Variants in MYO5B observed in about 807,000 individuals in gnomAD.
MYO5B encodes myosin VB, also known as unconventional myosin-Vb.
MYO5B carries 143 observed loss-of-function variants against 229.3 expected under a neutral mutation model. The ratio of observed to expected loss-of-function variants is 0.62; its 90% CI spans 0.54 to 0.72. The LOEUF (loss-of-function observed/expected upper bound fraction) is 0.72. MYO5B is among the 30% of genes least tolerant of loss of function. The probability of loss-of-function intolerance (pLI) is 0.00; values close to 1 mark genes in which losing one functional copy is unlikely to be tolerated. For missense variants in MYO5B, 2,321 were observed against 2,331.0 expected (o/e 1.00, Z 0.09); for synonymous variants, 918 against 885.2 (o/e 1.04, Z -0.66).
chr18:50,033,708 G>C (rs1337385532), intron 4 of MYO5B, among the ~76,000 whole-genome samples: 1 of 152,102 alleles, frequency 6.6e-6, no homozygotes, highest in Non-Finnish European at 1.5e-5. Context: ...TTCCTCACAG[G>C]ATTCTCATGC....
chr18:50,118,021 C>G (rs1317279033), intron 1 of MYO5B, among the ~76,000 whole-genome samples: 2 of 152,164 alleles, frequency 1.3e-5, no homozygotes, highest in Non-Finnish European at 2.9e-5. Flanking sequence ...AAGTGGATGA[C>G]AGCCATACAT....
intron 1 of MYO5B, among the ~76,000 whole-genome samples, chr18:50,072,322 C>T (rs1288593871): frequency 3.9e-5 from 6 of 152,114 alleles, no homozygotes; most frequent in Non-Finnish European, 4.4e-5. Flanking sequence ...CTCTTCCAAG[C>T]TTCAGGGATC....
chr18:50,076,532 G>A (rs556638258), intron 1 of MYO5B, among the ~76,000 whole-genome samples: 6 of 152,294 alleles, frequency 3.9e-5, no homozygotes, highest in South Asian at 2.1e-4. Context: ...AGGACACACC[G>A]GCATCCATTC....
At chr18:50,128,053 A>G (rs572746398) in intron 1 of MYO5B, among the ~76,000 whole-genome samples, 1 of 152,304 alleles carries the variant, frequency 6.6e-6, no homozygotes, top group South Asian at 2.1e-4. Flanking sequence ...GAACTACACC[A>G]TCAGCTCTCC....
chr18:49,967,706 T>G (rs1371885556), intron 10 of MYO5B, among the ~76,000 whole-genome samples: 4 of 152,250 alleles, frequency 2.6e-5, no homozygotes, highest in Admixed American at 6.5e-5. Context: ...TCTTGAAGCC[T>G]ATAAAATCTC....
intron 2 of MYO5B, 27 bp downstream of exon 2, chr18:50,055,241 G>GCCCCCCCCC: frequency 4.3e-6 from 1 of 231,260 alleles, no homozygotes; most frequent in Admixed American, 4.6e-5. Context: ...CCTCACCCCC[G>GCCCCCCCCC]CCCCCCTGCC....
At chr18:50,054,950 G>C (rs1399642922) in intron 2 of MYO5B, among the ~76,000 whole-genome samples, 1 of 152,104 alleles carries the variant, frequency 6.6e-6, no homozygotes, top group Non-Finnish European at 1.5e-5. Flanking sequence ...CCTTGTAGCA[G>C]CTCCTCTCCC....
At chr18:49,993,686 A>T (rs2025956350) in intron 5 of MYO5B, among the ~76,000 whole-genome samples, 1 of 152,218 alleles carries the variant, frequency 6.6e-6, no homozygotes, top group Non-Finnish European at 1.5e-5. Flanking sequence ...TCCTACTGCC[A>T]TAGCCTTAGC....
At chr18:49,951,593 G>A (rs1281579105) in intron 14 of MYO5B, among the ~76,000 whole-genome samples, 3 of 152,134 alleles carry the variant, frequency 2.0e-5, no homozygotes, top group Non-Finnish European at 4.4e-5. Context: ...CTCCTTTTTA[G>A]ATTCTGGAAT....
chr18:49,894,544 T>A (rs777490242), intron 22 of MYO5B, among the ~76,000 whole-genome samples: 2 of 152,154 alleles, frequency 1.3e-5, no homozygotes, highest in Non-Finnish European at 2.9e-5. Context: ...CAGTGCTGCA[T>A]CATGGGCAAG....
chr18:50,046,075 C>T (rs1246976425), intron 2 of MYO5B, among the ~76,000 whole-genome samples: 1 of 152,080 alleles, frequency 6.6e-6, no homozygotes, highest in Non-Finnish European at 1.5e-5. Flanking sequence ...TATTATCTAC[C>T]CATGGAACCA....
intron 4 of MYO5B, among the ~76,000 whole-genome samples, chr18:50,010,196 T>C (rs1391496859): frequency 2.0e-5 from 3 of 152,212 alleles, no homozygotes; most frequent in African/African-American, 4.8e-5. Flanking sequence ...ATATCCAATA[T>C]CATTTTCCCA....
intron 30 of MYO5B, among the ~76,000 whole-genome samples, chr18:49,856,145 GCA>G (rs1185354269): frequency 6.6e-6 from 1 of 152,228 alleles, no homozygotes; most frequent in Non-Finnish European, 1.5e-5. Flanking sequence ...TGGGTTTCAG[GCA>G]CAGACTCTGG....
At chr18:49,994,833 A>C (rs1406962805) in intron 5 of MYO5B, among the ~76,000 whole-genome samples, 1 of 152,258 alleles carries the variant, frequency 6.6e-6, no homozygotes, top group Non-Finnish European at 1.5e-5. Context: ...TTCTACTTGA[A>C]AAATGGAAAA....
At chr18:50,143,930 C>A (rs1038488192) in intron 1 of MYO5B, among the ~76,000 whole-genome samples, 2 of 152,182 alleles carry the variant, frequency 1.3e-5, no homozygotes, top group Admixed American at 1.3e-4. Context: ...CATGGAATAT[C>A]CATTTTCTGG....
At chr18:49,838,992 C>T in intron 36 of MYO5B, 152 bp downstream of exon 36, 1 of 900,304 alleles carries the variant, frequency 1.1e-6, no homozygotes, top group Non-Finnish European at 1.8e-6. Context: ...GCATGATGTG[C>T]ACACCTCAGT....
chr18:49,936,112 C>T, intron 16 of MYO5B, 140 bp downstream of exon 16: 1 of 741,670 alleles, frequency 1.3e-6, no homozygotes, highest in Non-Finnish European at 2.4e-6. Flanking sequence ...CTGTCTGCAG[C>T]AAGTAAGATG....
intron 1 of MYO5B, among the ~76,000 whole-genome samples, chr18:50,087,545 C>A (rs2031356732): frequency 6.8e-6 from 1 of 147,248 alleles, no homozygotes; most frequent in African/African-American, 2.6e-5. Flanking sequence ...TGCACTCTAG[C>A]CTGGGTGACA....
intron 1 of MYO5B, among the ~76,000 whole-genome samples, chr18:50,160,723 A>T (rs1010549537): frequency 6.6e-6 from 1 of 151,770 alleles, no homozygotes; most frequent in African/African-American, 2.4e-5. Context: ...ACTTTCACCC[A>T]CTCATCCTAG....
Sources: allele counts gnomAD v4.1 joint callset (sites outside exome capture counted in the v4.1 genomes callset), GRCh38; gene constraint gnomAD v4.1.1; transcripts MANE v1.5; gene names NCBI Gene and HGNC (gene_info 2026-07-23, HGNC 2026-07-21).